The following ELK4 variants were observed in gnomAD, a reference collection of about 807,000 sequenced individuals.
ELK4 encodes ETS transcription factor ELK4.
ELK4 carries 16 observed loss-of-function variants against 29.6 expected under a neutral mutation model. That is an observed-to-expected ratio of 0.54 (90% confidence interval 0.37 to 0.82). The LOEUF is 0.82. ELK4 is among the 40% of genes least tolerant of loss of function. The probability of loss-of-function intolerance (pLI) is 0.00; values close to 1 mark genes in which losing one functional copy is unlikely to be tolerated. For synonymous variants in ELK4, 213 were observed against 191.1 expected, an observed-to-expected ratio of 1.11 and a Z score of -0.95; for missense variants, 465 against 507.1, an observed-to-expected ratio of 0.92 and a Z score of 0.80.
At chr1:205,620,968 G>C (rs1670333539) in intron 2 of ELK4, 130 bp from the exon 3 acceptor site, 1 of 1,043,384 alleles carries the variant, frequency 9.6e-7, no homozygotes, top group East Asian at 2.6e-5. Context: ...AGGCCGAGGA[G>C]GGCGGATCAC....
chr1:205,614,882 A>G lies in ELK4; in HGVS notation c.*1664T>C, dbSNP rs1670206602. On this transcript the variant is annotated 3_prime_UTR_variant, in exon 5 of 5. Transcript: ENST00000357992. ...TAGTGGTGGTGAATGGTGACAACATATAATTTAATCCTGGACTTTAATTTT... is the reference window on the plus strand; with the variant it reads ...TAGTGGTGGTGAATGGTGACAACATGTAATTTAATCCTGGACTTTAATTTT... 2 of 223,360 alleles carry G rather than the reference A, an allele frequency of 9.0e-6. No individual in the cohort carries two copies. The highest frequency in any genetic ancestry group is 1.8e-5 in the Non-Finnish European group (2 of 111,988). The allele number at this position is 223,360 out of a possible 1,614,324, so 13.8% of individuals were successfully genotyped here.
intron 4 of ELK4, among the ~76,000 whole-genome samples, chr1:205,617,742 A>C (rs547289289): frequency 7.8e-4 from 118 of 152,110 alleles, no homozygotes; most frequent in African/African-American, 2.7e-3. Flanking sequence ...TCTCTACTAA[A>C]AATACAAAAT....
intron 1 of ELK4, among the ~76,000 whole-genome samples, chr1:205,629,087 C>G (rs924394028): frequency 6.8e-6 from 1 of 147,450 alleles, no homozygotes; most frequent in Non-Finnish European, 1.5e-5. Flanking sequence ...GGCAGAATGG[C>G]GTGAACCCGA....
At chr1:205,628,145 TC>T (rs890197431) in intron 1 of ELK4, among the ~76,000 whole-genome samples, 5 of 152,202 alleles carry the variant, frequency 3.3e-5, no homozygotes, top group Non-Finnish European at 1.5e-5. Context: ...AGAAATCGGT[TC>T]CCCATAGCCT....
At position 205,620,541 on chromosome 1, in the gene ELK4, C is replaced by G; in HGVS notation, c.505G>C (p.Glu169Gln). The part of the protein sequence containing the change: ...NVKLFKLIKT[E>Q]NPAEKLAEKK... ...TCTGCCAGTTTCTCGGCTGGATTCT[C>G]AGTCTTTATCAATTTGAAAAGCTTT... is the stretch of plus-strand genomic sequence containing the variant. The change falls in exon 3 of 5, where the codon GAG (glutamate) becomes CAG (glutamine). Residue 169 changes from glutamate to glutamine, a missense_variant. Around this residue, in one of 2 missense-constraint regions of ELK4, gnomAD observed 385 missense variants for 387.5 expected, o/e 0.99. Transcript: ENST00000357992. The G allele has an allele frequency of 1.2e-6, 2 of 1,614,148 alleles. No homozygotes were observed. Among genetic ancestry groups the G allele is most frequent in the African/African-American group, 1.3e-5 (1 of 75,016 alleles).
chr1:205,620,773 C>A lies in ELK4; in HGVS notation c.273G>T (p.Leu91Phe). The change falls in exon 3 of 5, where the codon TTG (leucine) becomes TTT (phenylalanine). Residue 91 changes from leucine to phenylalanine, a missense_variant. By Grantham distance (22) the Leu-to-Phe change is conservative (BLOSUM62 0). Around this residue, in one of 2 missense-constraint regions of ELK4, gnomAD observed 385 missense variants for 387.5 expected, o/e 0.99. Transcript: ENST00000357992. ...VYKFVSYPEI[L>F]NMDPMTVGRI... Reference sequence around the variant, plus strand: ...TGCCCACTGTCATTGGATCCATGTTCAAAATCTCTGGATAAGAGACAAACT... The same window carrying A: ...TGCCCACTGTCATTGGATCCATGTTAAAAATCTCTGGATAAGAGACAAACT... The A allele has an allele frequency of 1.2e-6, 2 of 1,613,954 alleles. No homozygotes were observed. Among genetic ancestry groups the A allele is most frequent in the Non-Finnish European group, 1.7e-6 (2 of 1,180,024 alleles).
rs767645456 is a variant in ELK4 at position 205,609,277 on chromosome 1, A to C, written c.*7269T>G. On this transcript the variant is annotated 3_prime_UTR_variant, in exon 5 of 5. Coordinates refer to ENST00000357992, the MANE Select transcript of ELK4 (RefSeq NM_001973.4). The stretch of plus-strand genomic sequence containing the variant: ...GATTATTTGGTAAAGCAAGGGCATA[A>C]TTTTAAGAAACTAATTTTAATCAAA... 13 of 188,174 alleles carry C rather than the reference A, an allele frequency of 6.9e-5. No individual in the cohort carries two copies. Among genetic ancestry groups the C allele is most frequent in the South Asian group, 3.9e-4 (2 of 5,128 alleles). 11.7% of individuals were successfully genotyped at this position (188,174 alleles called of 1,614,324 possible). A position where few individuals can be genotyped will look rare whatever the true frequency, so the allele number is the denominator to read the frequency against.
rs1283769500 is a variant in ELK4 at position 205,613,377 on chromosome 1, A to G, written c.*3169T>C. On this transcript the variant is annotated 3_prime_UTR_variant, in exon 5 of 5. Coordinates refer to ENST00000357992, the MANE Select transcript of ELK4 (RefSeq NM_001973.4). Reference sequence around the variant, plus strand: ...GAAAAAGAAAAAGATCACTGAAGTCAGACATGATATTTTAATTTTGTATTT... The same window carrying G: ...GAAAAAGAAAAAGATCACTGAAGTCGGACATGATATTTTAATTTTGTATTT... 5.4e-6 allele frequency: 1 copy of G among 184,134 alleles called. No homozygotes were observed. Among genetic ancestry groups the G allele is most frequent in the Non-Finnish European group, 1.2e-5 (1 of 86,778 alleles). 11.4% of individuals were successfully genotyped at this position (184,134 alleles called of 1,614,324 possible).
At chr1:205,624,202 A>G (rs1271735401) in intron 1 of ELK4, among the ~76,000 whole-genome samples, 1 of 152,222 alleles carries the variant, frequency 6.6e-6, no homozygotes, top group Admixed American at 6.5e-5. Flanking sequence ...ACTTGCAAGG[A>G]GGATAAAGCT....
At chr1:205,626,294 C>T (rs929512250) in intron 1 of ELK4, 5 of 386,900 alleles carry the variant, frequency 1.3e-5, no homozygotes, top group African/African-American at 1.0e-4. Flanking sequence ...TCTTTCCAGC[C>T]TCTCTTAGGA....
intron 3 of ELK4, chr1:205,619,275 T>G: frequency 9.5e-7 from 1 of 1,048,324 alleles, no homozygotes; most frequent in East Asian, 4.2e-5. Context: ...TACTTAAAAT[T>G]TTTTAAATTT....
rs974902265 is a variant in ELK4 at position 205,616,143 on chromosome 1, A to G, written c.*403T>C. ...AATATTTCTTTAAATAATAGATTCT[A>G]AGCATAATTTTTCCTGGCCAAAGGG... is the stretch of plus-strand genomic sequence containing the variant. On this transcript the variant is annotated 3_prime_UTR_variant, in exon 5 of 5. Transcript: ENST00000357992. 7 of 244,302 alleles carry G rather than the reference A, an allele frequency of 2.9e-5. No homozygotes were observed. Among genetic ancestry groups the G allele is most frequent in the Non-Finnish European group, 5.7e-5 (7 of 123,616 alleles). 15.1% of individuals were successfully genotyped at this position (244,302 alleles called of 1,614,324 possible).
chr1:205,621,313 A>G (rs1234108508), intron 2 of ELK4, among the ~76,000 whole-genome samples: 1 of 151,982 alleles, frequency 6.6e-6, no homozygotes, highest in Non-Finnish European at 1.5e-5. Context: ...CATACCAAAC[A>G]CAGTCCCTAC....
intron 1 of ELK4, among the ~76,000 whole-genome samples, chr1:205,625,046 A>C (rs1003222028): frequency 6.6e-6 from 1 of 152,202 alleles, no homozygotes; most frequent in Non-Finnish European, 1.5e-5. Context: ...AAAAACAAAA[A>C]CAAAAAACCT....
At chr1:205,623,299 GA>G (rs1558022439) in intron 2 of ELK4, among the ~76,000 whole-genome samples, 1 of 149,990 alleles carries the variant, frequency 6.7e-6, no homozygotes, top group Admixed American at 6.7e-5. Context: ...AACCTCAACA[GA>G]AAACAAGGAA....
At chr1:205,631,080 G>T (rs946963472) in intron 1 of ELK4, among the ~76,000 whole-genome samples, 1 of 152,226 alleles carries the variant, frequency 6.6e-6, no homozygotes, top group African/African-American at 2.4e-5. Context: ...ATCTTCCCAG[G>T]AATGAAGTTA....
Position 205,615,949 on chromosome 1 carries a change from G to C in ELK4, c.*597C>G, listed in dbSNP as rs1670226044. The C allele has an allele frequency of 4.6e-6, 1 of 219,044 alleles. No individual in the cohort carries two copies. Among genetic ancestry groups the C allele is most frequent in the Non-Finnish European group, 9.1e-6 (1 of 109,354 alleles). 13.6% of individuals were successfully genotyped at this position (219,044 alleles called of 1,614,324 possible). A position where few individuals can be genotyped will look rare whatever the true frequency, so the allele number is the denominator to read the frequency against. ...AAGGTAAACAAGATGCCTTTTCATG[G>C]AGTTGCTTACACGTTATAGTTCACA... On this transcript the variant is annotated 3_prime_UTR_variant, in exon 5 of 5. Coordinates refer to ENST00000357992, the MANE Select transcript of ELK4 (RefSeq NM_001973.4).
Position 205,620,147 on chromosome 1 carries a change from G to C in ELK4, c.899C>G (p.Pro300Arg). The change falls in exon 3 of 5, where the codon CCT (proline) becomes CGT (arginine). Residue 300 changes from proline to arginine, a missense_variant. Coordinates refer to ENST00000357992, the MANE Select transcript of ELK4 (RefSeq NM_001973.4). Reference sequence around the variant, plus strand: ...TAGCAAGACTGAATCCTGGTCTTTAGGCTCCAGTGACAAATTCTCTGGAAG... The same window carrying C: ...TAGCAAGACTGAATCCTGGTCTTTACGCTCCAGTGACAAATTCTCTGGAAG... ...MELPENLSLE[P>R]KDQDSVLLEK... 2 of 1,614,204 alleles carry C rather than the reference G, an allele frequency of 1.2e-6. No homozygotes were observed. Among genetic ancestry groups the C allele is most frequent in the Admixed American group, 1.7e-5 (1 of 60,028 alleles).
intron 1 of ELK4, among the ~76,000 whole-genome samples, chr1:205,626,789 C>T (rs1670473887): frequency 6.6e-6 from 1 of 152,152 alleles, no homozygotes; most frequent in Non-Finnish European, 1.5e-5. Context: ...CTCAACAATT[C>T]TACTCCTAGG....
Sources: gnomAD v4.1 joint callset for allele counts (sites outside exome capture counted in the v4.1 genomes callset) on GRCh38, gnomAD v4.1.1 for gene constraint, gnomAD v4.1.1 regional missense constraint, MANE v1.5 for transcripts, NCBI Gene and HGNC (gene_info 2026-07-23, HGNC 2026-07-21) for gene names.